Variants in LRP1B observed in about 807,000 individuals in gnomAD.
The protein encoded by LRP1B is low-density lipoprotein receptor-related protein 1B.
LRP1B carries 217 observed loss-of-function variants against 556.6 expected under a neutral mutation model. That is an observed-to-expected ratio of 0.39 (90% CI 0.35 to 0.44). The LOEUF is 0.44. LRP1B is among the 20% of genes least tolerant of loss of function. LRP1B has a pLI of 1.00. For synonymous variants in LRP1B, 2,047 were observed against 1,865.8 expected, an observed-to-expected ratio of 1.10 and a Z score of -2.50; for missense variants, 5,053 against 5,620.8, an observed-to-expected ratio of 0.90 and a Z score of 3.23.
chr2:141,069,524 A>G (rs1264511182), intron 7 of LRP1B, among the ~76,000 whole-genome samples: 1 of 152,018 alleles, frequency 6.6e-6, no homozygotes, highest in Non-Finnish European at 1.5e-5. Flanking sequence ...AGGCTGGTAC[A>G]ACTTGATTTG....
At position 140,868,265 on chromosome 2, in the gene LRP1B, TAAA is replaced by T. The variant is rs34488899; in HGVS notation, c.4170-5_4170-3del. ...TCCCAGTCTGTCCAGAAAAGAATTC[TAAA>T]AAAAAAAAAAAAAAAAGAAATAATA... is the stretch of plus-strand genomic sequence containing the variant. On this transcript the variant is annotated splice_polypyrimidine_tract_variant and splice_region_variant and intron_variant, in intron 25 of 90. Coordinates refer to ENST00000389484, the MANE Select transcript of LRP1B (RefSeq NM_018557.3). 2,104 of 1,290,630 alleles carry T rather than the reference TAAA, an allele frequency of 1.6e-3. No individual in the cohort carries two copies. Among genetic ancestry groups the T allele is most frequent in the Admixed American group, 4.8e-3 (163 of 34,054 alleles). The allele number at this position is 1,290,630 out of a possible 1,614,324, so 79.9% of individuals were successfully genotyped here.
chr2:140,904,364 G>A (rs535663801), intron 22 of LRP1B, among the ~76,000 whole-genome samples: 62 of 152,170 alleles, frequency 4.1e-4, no homozygotes, highest in Non-Finnish European at 2.9e-4. Context: ...ATATTTTCAA[G>A]TGGATTTCAA....
intron 6 of LRP1B, among the ~76,000 whole-genome samples, chr2:141,213,433 C>A (rs1682653299): frequency 1.3e-5 from 2 of 152,116 alleles, no homozygotes; most frequent in Admixed American, 6.6e-5. Flanking sequence ...GACAGGCCAC[C>A]ATTTCATCAC....
At chr2:141,777,640 C>T (rs1055716758) in intron 2 of LRP1B, among the ~76,000 whole-genome samples, 1 of 152,068 alleles carries the variant, frequency 6.6e-6, no homozygotes, top group African/African-American at 2.4e-5. Flanking sequence ...GTCTCAAACT[C>T]CTGACCTCAG....
chr2:140,253,813 T>TAATTGCA (rs781331682), intron 86 of LRP1B, among the ~76,000 whole-genome samples: 37 of 152,266 alleles, frequency 2.4e-4, no homozygotes, highest in Non-Finnish European at 4.6e-4. Flanking sequence ...ATGGTGGATG[T>TAATTGCA]AATTGAAGAC....
chr2:140,342,601 T>A (rs1000120508), intron 77 of LRP1B, among the ~76,000 whole-genome samples: 1 of 151,682 alleles, frequency 6.6e-6, no homozygotes, highest in Admixed American at 6.6e-5. Flanking sequence ...AGAACATTTT[T>A]AAAATATGTT....
Position 140,953,994 on chromosome 2 carries a change from A to G in LRP1B, c.2888-2054T>C, listed in dbSNP as rs534389900. 1.5e-4 allele frequency among the ~76,000 whole-genome samples: 23 copies of G among 152,324 alleles called. No individual in the cohort carries two copies. The South Asian group carries it at 4.4e-3, about 29-fold the overall frequency. On this transcript the variant is annotated intron_variant, in intron 18 of 90. Transcript: ENST00000389484. ...CTCATATTGTTAGCATATATTCAGC[A>G]TAAGGTTTAAACATTTCTCATACAT...
At chr2:142,093,633 G>A (rs890628480) in intron 1 of LRP1B, among the ~76,000 whole-genome samples, 1 of 152,030 alleles carries the variant, frequency 6.6e-6, no homozygotes, top group Non-Finnish European at 1.5e-5. Flanking sequence ...GGAGTAAACC[G>A]GATTTCCAAG....
At chr2:140,287,697 G>A (rs1683204198) in intron 84 of LRP1B, among the ~76,000 whole-genome samples, 1 of 149,058 alleles carries the variant, frequency 6.7e-6, no homozygotes, top group Admixed American at 6.7e-5. Context: ...AACTAATCTA[G>A]CACTATTACA....
intron 1 of LRP1B, among the ~76,000 whole-genome samples, chr2:141,894,898 A>G (rs1699399075): frequency 1.3e-5 from 2 of 151,826 alleles, no homozygotes; most frequent in Non-Finnish European, 2.9e-5. Flanking sequence ...AAAAATTAAA[A>G]TTAGCTGGGC....
At chr2:141,205,969 A>T (rs776999867) in intron 6 of LRP1B, among the ~76,000 whole-genome samples, 3 of 152,186 alleles carry the variant, frequency 2.0e-5, no homozygotes, top group Non-Finnish European at 4.4e-5. Context: ...AGTTTCTGAA[A>T]TCACTTGAGA....
At chr2:141,269,840 A>G (rs1685021701) in intron 3 of LRP1B, among the ~76,000 whole-genome samples, 1 of 152,188 alleles carries the variant, frequency 6.6e-6, no homozygotes, top group South Asian at 2.1e-4. Flanking sequence ...ATTAGCAGAC[A>G]AAGACTTCAA....
chr2:140,988,741 C>T (rs1391855270), intron 17 of LRP1B, among the ~76,000 whole-genome samples: 1 of 152,028 alleles, frequency 6.6e-6, no homozygotes, highest in East Asian at 1.9e-4. Flanking sequence ...TTGGCAAAGA[C>T]AGAAAGAGTT....
At chr2:141,608,608 A>C (rs140717134) in intron 2 of LRP1B, among the ~76,000 whole-genome samples, 2 of 152,330 alleles carry the variant, frequency 1.3e-5, no homozygotes, top group East Asian at 1.9e-4. Context: ...TAGATGACTT[A>C]CTTTTTTTTA....
At chr2:141,173,881 G>A (rs138475864) in intron 7 of LRP1B, among the ~76,000 whole-genome samples, 1 of 152,162 alleles carries the variant, frequency 6.6e-6, no homozygotes, top group East Asian at 1.9e-4. Flanking sequence ...GCCAGTTAAA[G>A]ATGAGATTCA....
At chr2:141,785,594 G>A (rs1273675291) in intron 2 of LRP1B, among the ~76,000 whole-genome samples, 1 of 151,396 alleles carries the variant, frequency 6.6e-6, no homozygotes, top group Non-Finnish European at 1.5e-5. Context: ...AATGATGGCA[G>A]TAGTAAAGAT....
intron 6 of LRP1B, among the ~76,000 whole-genome samples, chr2:141,198,295 G>A (rs1365480518): frequency 6.6e-6 from 1 of 152,106 alleles, no homozygotes; most frequent in Non-Finnish European, 1.5e-5. Flanking sequence ...AATTAAAATG[G>A]TATTATGGAA....
intron 2 of LRP1B, among the ~76,000 whole-genome samples, chr2:141,684,749 C>A (rs1691233128): frequency 1.3e-5 from 2 of 151,956 alleles, no homozygotes; most frequent in South Asian, 4.2e-4. Flanking sequence ...ACTAATGGAG[C>A]AAATCTTTGT....
intron 2 of LRP1B, among the ~76,000 whole-genome samples, chr2:141,646,674 A>C (rs1168443326): frequency 6.6e-6 from 1 of 152,132 alleles, no homozygotes; most frequent in Non-Finnish European, 1.5e-5. Flanking sequence ...TAGTAATTAC[A>C]CAGTAAAAAG....
Sources: allele counts gnomAD v4.1 joint callset (sites outside exome capture counted in the v4.1 genomes callset), GRCh38; gene constraint gnomAD v4.1.1; transcripts MANE v1.5; gene names NCBI Gene and HGNC (gene_info 2026-07-23, HGNC 2026-07-21).